Variants in CADM2 observed in about 807,000 individuals in gnomAD.
The protein encoded by CADM2 is cell adhesion molecule 2.
CADM2 carries 12 observed loss-of-function variants against 49.8 expected under a neutral mutation model. That is an observed-to-expected ratio of 0.24 (90% CI 0.15 to 0.39). CADM2 has a LOEUF of 0.39. Among genes scored for constraint, CADM2 ranks in the 10% least tolerant of loss-of-function variants. The pLI is 1.00. For synonymous variants in CADM2, 214 were observed against 175.4 expected (o/e 1.22, Z -1.74); for missense variants, 378 against 492.3 (o/e 0.77, Z 2.20).
rs944630305 is a variant in CADM2 at position 85,734,676 on chromosome 3, T to A, written c.88+8128T>A. Reference sequence around the variant, plus strand: ...CTTTTTTCTTTTTAAATATAATATGTATATTTTAAATATAATATATATATT... The same window carrying A: ...CTTTTTTCTTTTTAAATATAATATGAATATTTTAAATATAATATATATATT... On this transcript the variant is annotated intron_variant, in intron 2 of 9. Coordinates refer to ENST00000383699, the MANE Select transcript of CADM2 (RefSeq NM_001167675.2). Among the ~76,000 whole-genome samples the A allele has an allele frequency of 2.7e-5, 4 of 147,872 alleles. No homozygotes were observed. In the East Asian group the frequency reaches 7.8e-4, roughly 29 times the overall value.
intron 2 of CADM2, among the ~76,000 whole-genome samples, chr3:85,796,911 A>G (rs1198135280): frequency 6.6e-6 from 1 of 152,022 alleles, no homozygotes; most frequent in Non-Finnish European, 1.5e-5. Context: ...CCTGGCCAAC[A>G]TGGTGAAATC....
At chr3:85,311,867 A>G (rs2044353352) in intron 1 of CADM2, among the ~76,000 whole-genome samples, 2 of 152,148 alleles carry the variant, frequency 1.3e-5, no homozygotes, top group Non-Finnish European at 2.9e-5. Flanking sequence ...ATCACAATAA[A>G]TCCTCCAGCA....
intron 1 of CADM2, among the ~76,000 whole-genome samples, chr3:85,198,945 C>T (rs1443735395): frequency 2.0e-5 from 3 of 151,770 alleles, no homozygotes; most frequent in African/African-American, 7.2e-5. Context: ...TCATTTATTT[C>T]TCCATATTTG....
At chr3:85,158,542 G>A (rs906311491) in intron 1 of CADM2, among the ~76,000 whole-genome samples, 9 of 152,154 alleles carry the variant, frequency 5.9e-5, no homozygotes, top group Non-Finnish European at 1.2e-4. Context: ...CCTTTGTAGG[G>A]ACATGGATGA....
chr3:85,908,256 T>TC (rs1553705561), intron 5 of CADM2, among the ~76,000 whole-genome samples: 3 of 95,804 alleles, frequency 3.1e-5, no homozygotes, highest in African/African-American at 4.1e-5. Context: ...TTTTTCTTCT[T>TC]TTTTTTTTTT....
chr3:85,605,734 T>C (rs1221994417), intron 1 of CADM2, among the ~76,000 whole-genome samples: 1 of 152,094 alleles, frequency 6.6e-6, no homozygotes, highest in Non-Finnish European at 1.5e-5. Flanking sequence ...AATTTGTCTT[T>C]TGACACATCT....
At chr3:85,258,314 C>G (rs1185404389) in intron 1 of CADM2, among the ~76,000 whole-genome samples, 2 of 152,064 alleles carry the variant, frequency 1.3e-5, no homozygotes, top group African/African-American at 4.8e-5. Flanking sequence ...AATGCCCAAT[C>G]AATTTTCATG....
chr3:85,228,066 T>G (rs1559731742), intron 1 of CADM2, among the ~76,000 whole-genome samples: 1 of 152,204 alleles, frequency 6.6e-6, no homozygotes, highest in Non-Finnish European at 1.5e-5. Context: ...ATTTTTTCCT[T>G]CATTTCAACC....
At chr3:85,647,249 A>G (rs535846915) in intron 1 of CADM2, among the ~76,000 whole-genome samples, 2 of 151,932 alleles carry the variant, frequency 1.3e-5, no homozygotes, top group African/African-American at 2.4e-5. Flanking sequence ...CCACATAGCC[A>G]TGGTATATAA....
At chr3:85,959,150 ATCTCTC>A (rs71128104) in intron 7 of CADM2, among the ~76,000 whole-genome samples, 1 of 145,342 alleles carries the variant, frequency 6.9e-6, no homozygotes, top group Non-Finnish European at 1.5e-5. Context: ...TTATCTATCT[ATCTCTC>A]TCTCTCTCTC....
At position 85,626,305 on chromosome 3, in the gene CADM2, C is replaced by G. The variant is rs2064129491; in HGVS notation, c.62-100217C>G. Among the ~76,000 whole-genome samples the G allele has an allele frequency of 2.0e-5, 3 of 151,902 alleles. No homozygotes were observed. In the South Asian group the frequency reaches 6.2e-4, roughly 31 times the overall value. On this transcript the variant is annotated intron_variant, in intron 1 of 9. Transcript: ENST00000383699. ...AATATAGCTTATCTATCAACTTGTT[C>G]TTAGTCATCACTGAAGTCCCTTCAG...
chr3:85,428,741 G>T (rs1266425032), intron 1 of CADM2, among the ~76,000 whole-genome samples: 1 of 149,060 alleles, frequency 6.7e-6, no homozygotes, highest in Non-Finnish European at 1.5e-5. Flanking sequence ...TAGGGAATAT[G>T]CATTATGTAA....
intron 1 of CADM2, among the ~76,000 whole-genome samples, chr3:85,343,236 A>T (rs1468614599): frequency 2.6e-5 from 4 of 152,176 alleles, no homozygotes; most frequent in Non-Finnish European, 5.9e-5. Flanking sequence ...ATGATGGTAC[A>T]TAATAATTCA....
At chr3:85,071,883 C>T (rs1238824309) in intron 1 of CADM2, among the ~76,000 whole-genome samples, 1 of 151,682 alleles carries the variant, frequency 6.6e-6, no homozygotes, top group Non-Finnish European at 1.5e-5. Context: ...AACTATCACT[C>T]TACCAACAAG....
intron 1 of CADM2, among the ~76,000 whole-genome samples, chr3:85,157,531 T>C (rs12637767): frequency 0.68 from 102,640 of 151,652 alleles, 35,592 homozygotes; most frequent in African/African-American, 0.82. Flanking sequence ...TCAGAAATAA[T>C]GCCGCATATC....
chr3:85,510,839 G>T (rs2040583101), intron 1 of CADM2, among the ~76,000 whole-genome samples: 1 of 151,762 alleles, frequency 6.6e-6, no homozygotes, highest in African/African-American at 2.4e-5. Flanking sequence ...GTATTAAAAG[G>T]ATAAATATAA....
chr3:85,680,606 C>A (rs192803432), intron 1 of CADM2, among the ~76,000 whole-genome samples: 2 of 152,200 alleles, frequency 1.3e-5, no homozygotes, highest in Non-Finnish European at 2.9e-5. Context: ...GTGTCATACA[C>A]CCTGCAATAA....
At chr3:86,055,681 C>A (rs1050976471) in intron 8 of CADM2, among the ~76,000 whole-genome samples, 11 of 152,006 alleles carry the variant, frequency 7.2e-5, no homozygotes, top group African/African-American at 2.4e-4. Context: ...ATAACTCTCA[C>A]GACCTAATCA....
At chr3:86,046,593 C>G (rs1309406054) in intron 8 of CADM2, among the ~76,000 whole-genome samples, 3 of 152,002 alleles carry the variant, frequency 2.0e-5, no homozygotes, top group East Asian at 3.9e-4. Flanking sequence ...AACAGGGCAG[C>G]ACCGCACAGT....
Sources: allele counts gnomAD v4.1 joint callset (sites outside exome capture counted in the v4.1 genomes callset), GRCh38; gene constraint gnomAD v4.1.1; transcripts MANE v1.5; gene names NCBI Gene and HGNC (gene_info 2026-07-23, HGNC 2026-07-21).